LRP1B: variants seen among roughly 807,000 people sequenced by gnomAD.
LRP1B encodes the protein low-density lipoprotein receptor-related protein 1B.
Under a neutral mutation model 556.6 loss-of-function variants are expected in LRP1B, and 217 were observed. That is an observed-to-expected ratio of 0.39 (90% CI 0.35 to 0.44). The LOEUF is 0.44. Among genes scored for constraint, LRP1B ranks in the 20% least tolerant of loss-of-function variants. The pLI is 1.00. For synonymous variants in LRP1B, 2,047 were observed against 1,865.8 expected (o/e 1.10, Z -2.50); for missense variants, 5,053 against 5,620.8 (o/e 0.90, Z 3.23).
rs556159797 is a variant in LRP1B at position 140,639,661 on chromosome 2, C to T, written c.6800-38022G>A. ...CTCTATTTTCCTTCAGTCTCTTTTT[C>T]TCCATGCAAGAAGCAGCATAATCCT... On this transcript the variant is annotated intron_variant, in intron 41 of 90. Coordinates refer to ENST00000389484, the MANE Select transcript of LRP1B (RefSeq NM_018557.3). 6.6e-5 allele frequency among the ~76,000 whole-genome samples: 10 copies of T among 152,254 alleles called. No homozygotes were observed. In the South Asian group the frequency reaches 1.0e-3, roughly 16 times the overall value.
chr2:141,753,282 A>ATATATATATATATATATATATATATATC (rs1393990033), intron 2 of LRP1B, among the ~76,000 whole-genome samples: 2 of 136,060 alleles, frequency 1.5e-5, no homozygotes, highest in East Asian at 4.3e-4. Context: ...ATATATATAT[A>ATATATATATATATATATATATATATATC]TCCCAGATGA....
chr2:141,241,871 T>A (rs186393295), intron 5 of LRP1B, among the ~76,000 whole-genome samples: 1 of 152,196 alleles, frequency 6.6e-6, no homozygotes, highest in East Asian at 1.9e-4. Context: ...CAAGTGCTAT[T>A]TGAAGTTACG....
At chr2:140,513,013 C>G (rs544995172) in intron 51 of LRP1B, among the ~76,000 whole-genome samples, 1 of 152,118 alleles carries the variant, frequency 6.6e-6, no homozygotes, top group African/African-American at 2.4e-5. Context: ...TGTCCATTTT[C>G]TTATTAGTCT....
intron 41 of LRP1B, among the ~76,000 whole-genome samples, chr2:140,675,716 G>A (rs141473921): frequency 2.0e-5 from 3 of 152,252 alleles, no homozygotes; most frequent in Admixed American, 6.5e-5. Context: ...GTTTGAGGTT[G>A]CAGTGCACTA....
intron 1 of LRP1B, among the ~76,000 whole-genome samples, chr2:141,999,521 T>C (rs994297954): frequency 1.3e-4 from 20 of 152,144 alleles, no homozygotes; most frequent in African/African-American, 4.6e-4. Flanking sequence ...TTAATTTTAT[T>C]GAATTTTGTT....
chr2:140,357,615 A>G (rs929251525), intron 74 of LRP1B, among the ~76,000 whole-genome samples: 2 of 151,788 alleles, frequency 1.3e-5, no homozygotes, highest in African/African-American at 4.8e-5. Flanking sequence ...TTAACATTGA[A>G]AAAATTAAGA....
At chr2:140,983,120 T>TC (rs954196487) in intron 17 of LRP1B, among the ~76,000 whole-genome samples, 73 of 152,242 alleles carry the variant, frequency 4.8e-4, no homozygotes, top group African/African-American at 1.7e-3. Context: ...CCCTGCCTCT[T>TC]CCCCCAGGCC....
chr2:141,544,356 T>TTCTCC, intron 2 of LRP1B, among the ~76,000 whole-genome samples: 1 of 96,762 alleles, frequency 1.0e-5, no homozygotes, highest in African/African-American at 3.6e-5. Context: ...CTTCTTCTTC[T>TTCTCC]TCTTCTTCTT....
At chr2:140,989,743 GTAA>G (rs1336016448) in intron 16 of LRP1B, 86 bp from the exon 17 acceptor site, 4 of 1,308,416 alleles carry the variant, frequency 3.1e-6, no homozygotes, top group East Asian at 2.4e-5. Context: ...AAAAGTTACA[GTAA>G]TAATATTATA....
chr2:140,862,469 T>G lies in LRP1B; in HGVS notation c.4579+5121A>C, dbSNP rs1157026. Among the ~76,000 whole-genome samples, 4,937 of 152,272 alleles carry G rather than the reference T, an allele frequency of 0.032. 459 individuals are homozygous for G. In the East Asian group the frequency reaches 0.33, roughly 10 times the overall value. On this transcript the variant is annotated intron_variant, in intron 27 of 90. Coordinates refer to ENST00000389484, the MANE Select transcript of LRP1B (RefSeq NM_018557.3). ...CAAGTCCTCAAATATTCATTATTATTATTTGGCCTTTCACAGAATACATTT... is the reference window on the plus strand; with the variant it reads ...CAAGTCCTCAAATATTCATTATTATGATTTGGCCTTTCACAGAATACATTT...
rs2105086486 is a variant in LRP1B, at chr2:140,335,701, T to C, written c.12030A>G (p.Val4010=). ...HWTSLRYSIN[V]GQLNGPNCTR... ...TGCAGTTGGGGCCATTCAGCTGCCCTACGTTGATAGAGTACCTCAGACTGG... is the reference window on the plus strand; with the variant it reads ...TGCAGTTGGGGCCATTCAGCTGCCCCACGTTGATAGAGTACCTCAGACTGG... Residue 4010 remains valine (V), a synonymous_variant, in exon 78 of 91, where the codon GTA becomes GTG. Coordinates refer to ENST00000389484, the MANE Select transcript of LRP1B (RefSeq NM_018557.3). 1.9e-6 allele frequency: 3 copies of C among 1,612,440 alleles called. No homozygotes were observed. The highest frequency in any genetic ancestry group is 1.1e-5 in the South Asian group (1 of 91,066).
chr2:141,498,598 C>A, intron 2 of LRP1B, among the ~76,000 whole-genome samples: 1 of 152,046 alleles, frequency 6.6e-6, no homozygotes, highest in South Asian at 2.1e-4. Context: ...TACATTTTTA[C>A]CAGAAATCCA....
intron 41 of LRP1B, among the ~76,000 whole-genome samples, chr2:140,647,721 A>G (rs1684534017): frequency 6.6e-6 from 1 of 152,226 alleles, no homozygotes; most frequent in South Asian, 2.1e-4. Context: ...GAGAAATGCA[A>G]ATCAAAACCA....
intron 67 of LRP1B, among the ~76,000 whole-genome samples, chr2:140,383,701 A>G (rs1190067644): frequency 1.3e-5 from 2 of 152,164 alleles, no homozygotes; most frequent in Non-Finnish European, 2.9e-5. Flanking sequence ...CTTGTCCCAT[A>G]TATGCCTACT....
chr2:141,122,123 T>C (rs994224177), intron 7 of LRP1B, among the ~76,000 whole-genome samples: 11 of 152,108 alleles, frequency 7.2e-5, no homozygotes, highest in Non-Finnish European at 1.0e-4. Flanking sequence ...AAGACTTAAA[T>C]GTTAGACCTA....
chr2:141,011,005 A>G (rs1697728877), intron 14 of LRP1B, among the ~76,000 whole-genome samples: 1 of 149,214 alleles, frequency 6.7e-6, no homozygotes, highest in Admixed American at 6.7e-5. Context: ...ATCCATATGT[A>G]TAAAAAATAT....
At chr2:141,413,117 C>T (rs1205614893) in intron 3 of LRP1B, among the ~76,000 whole-genome samples, 1 of 152,110 alleles carries the variant, frequency 6.6e-6, no homozygotes, top group East Asian at 1.9e-4. Flanking sequence ...GGACTAGCTA[C>T]TTGGGAGGCT....
chr2:141,406,567 T>G (rs1690647219), intron 3 of LRP1B, among the ~76,000 whole-genome samples: 2 of 151,930 alleles, frequency 1.3e-5, no homozygotes, highest in South Asian at 4.1e-4. Flanking sequence ...TCTATCTATC[T>G]ATCTATCTAT....
At chr2:141,044,385 A>G (rs1454097954) in intron 11 of LRP1B, among the ~76,000 whole-genome samples, 1 of 151,848 alleles carries the variant, frequency 6.6e-6, no homozygotes, top group Non-Finnish European at 1.5e-5. Flanking sequence ...CTAAAACACC[A>G]AAAGCAATGG....
Sources: allele counts gnomAD v4.1 joint callset (sites outside exome capture counted in the v4.1 genomes callset), GRCh38; gene constraint gnomAD v4.1.1; transcripts MANE v1.5; gene names NCBI Gene and HGNC (gene_info 2026-07-23, HGNC 2026-07-21).